PDE4D: variants seen among roughly 807,000 people sequenced by gnomAD.
PDE4D encodes the protein 3',5'-cyclic-AMP phosphodiesterase 4D.
In PDE4D, 24 loss-of-function variants were observed where a neutral mutation model predicts 87.4. The ratio of observed to expected loss-of-function variants is 0.27; its 90% CI spans 0.20 to 0.39. The LOEUF (loss-of-function observed/expected upper bound fraction) is 0.39. Ranked by LOEUF, PDE4D falls within the 10% of genes least tolerant of loss-of-function variation. The probability of loss-of-function intolerance (pLI) is 1.00; values close to 1 mark genes in which losing one functional copy is unlikely to be tolerated. For synonymous variants in PDE4D, 384 were observed against 383.2 expected (o/e 1.00, Z -0.02); for missense variants, 714 against 1,041.0 (o/e 0.69, Z 4.32).
chr5:59,722,145 A>T (rs527292564), intron 1 of PDE4D, among the ~76,000 whole-genome samples: 1 of 152,320 alleles, frequency 6.6e-6, no homozygotes, highest in East Asian at 1.9e-4. Flanking sequence ...TCTTCATTCA[A>T]TCACAAGCAT....
chr5:59,409,612 C>T (rs1792309788), intron 1 of PDE4D, among the ~76,000 whole-genome samples: 1 of 152,154 alleles, frequency 6.6e-6, no homozygotes, highest in South Asian at 2.1e-4. Context: ...ATTTGAGACA[C>T]CTACTCCCCT....
chr5:60,474,732 T>C (rs1310046373), intron 1 of PDE4D, among the ~76,000 whole-genome samples: 2 of 152,180 alleles, frequency 1.3e-5, no homozygotes, highest in African/African-American at 4.8e-5. Flanking sequence ...CTCCCAGCTC[T>C]GCAAGGAAAG....
chr5:59,788,660 G>C (rs1765439461), intron 1 of PDE4D, among the ~76,000 whole-genome samples: 1 of 152,246 alleles, frequency 6.6e-6, no homozygotes, highest in Non-Finnish European at 1.5e-5. Context: ...GTGGTTCCAA[G>C]AAGGGGGATG....
At chr5:59,010,250 C>A (rs957837381) in intron 6 of PDE4D, among the ~76,000 whole-genome samples, 4 of 152,020 alleles carry the variant, frequency 2.6e-5, no homozygotes, top group Non-Finnish European at 4.4e-5. Context: ...TTGCTTGAGC[C>A]CGGGAGGCAG....
At chr5:59,302,169 C>T (rs1166904157) in intron 1 of PDE4D, among the ~76,000 whole-genome samples, 2 of 152,200 alleles carry the variant, frequency 1.3e-5, no homozygotes, top group Middle Eastern at 6.8e-3. Context: ...CAGATATTAG[C>T]AAGTTACTGC....
At chr5:59,620,578 T>C (rs952083706) in intron 1 of PDE4D, among the ~76,000 whole-genome samples, 1 of 152,014 alleles carries the variant, frequency 6.6e-6, no homozygotes, top group African/African-American at 2.4e-5. Flanking sequence ...TCAGTGGATA[T>C]AAGGAAGGGG....
chr5:59,985,162 A>C (rs868653251), intron 3 of PDE4D, among the ~76,000 whole-genome samples: 1 of 80,910 alleles, frequency 1.2e-5, no homozygotes, highest in African/African-American at 3.2e-5. Flanking sequence ...ATTTTGAGAC[A>C]GAGTCTCACT....
intron 1 of PDE4D, among the ~76,000 whole-genome samples, chr5:59,763,732 A>G (rs907619466): frequency 1.3e-5 from 2 of 152,178 alleles, no homozygotes; most frequent in African/African-American, 2.4e-5. Flanking sequence ...ACCAGATGAA[A>G]TCTGAATCAT....
chr5:59,367,683 T>C (rs1783287258), intron 1 of PDE4D, among the ~76,000 whole-genome samples: 1 of 152,240 alleles, frequency 6.6e-6, no homozygotes, highest in African/African-American at 2.4e-5. Context: ...CCTATGATGG[T>C]ATTATTTAAA....
At chr5:59,657,101 A>G (rs551724513) in intron 1 of PDE4D, among the ~76,000 whole-genome samples, 1 of 152,302 alleles carries the variant, frequency 6.6e-6, no homozygotes, top group South Asian at 2.1e-4. Context: ...AACCAAATAT[A>G]TACTTGGAAA....
chr5:59,545,485 C>A (rs967598522), intron 1 of PDE4D, among the ~76,000 whole-genome samples: 4 of 152,124 alleles, frequency 2.6e-5, no homozygotes, highest in Non-Finnish European at 1.5e-5. Context: ...ATTCATGAAT[C>A]CAAATTAGCT....
chr5:60,102,451 G>T (rs556077460), intron 2 of PDE4D, among the ~76,000 whole-genome samples: 7 of 152,144 alleles, frequency 4.6e-5, no homozygotes, highest in African/African-American at 1.7e-4. Flanking sequence ...GTAGGGGAGA[G>T]AATTCAGGTA....
At chr5:59,063,104 A>G (rs1262368360) in intron 5 of PDE4D, 1 of 152,220 alleles carries the variant, frequency 6.6e-6, no homozygotes, top group African/African-American at 2.4e-5. Context: ...AAAATGGCCC[A>G]TGGAGTACAA....
At chr5:59,044,533 A>C (rs1220705213) in intron 5 of PDE4D, among the ~76,000 whole-genome samples, 1 of 152,184 alleles carries the variant, frequency 6.6e-6, no homozygotes, top group Non-Finnish European at 1.5e-5. Context: ...TCATTCCTTT[A>C]GTTTGCTACA....
At chr5:60,314,894 C>T (rs574873869) in intron 1 of PDE4D, among the ~76,000 whole-genome samples, 8 of 152,288 alleles carry the variant, frequency 5.3e-5, no homozygotes, top group Non-Finnish European at 7.4e-5. Flanking sequence ...CATTGTTGGA[C>T]ATTTGGCTTG....
chr5:59,971,947 G>A (rs1277008608), intron 3 of PDE4D, among the ~76,000 whole-genome samples: 2 of 152,196 alleles, frequency 1.3e-5, no homozygotes, highest in African/African-American at 4.8e-5. Context: ...AAGCAGACTT[G>A]AGCAGAATCC....
At chr5:60,143,887 C>T (rs1206482744) in intron 2 of PDE4D, among the ~76,000 whole-genome samples, 1 of 151,986 alleles carries the variant, frequency 6.6e-6, no homozygotes, top group East Asian at 1.9e-4. Flanking sequence ...AGAAGGAGAG[C>T]TTGGTGGGCT....
intron 1 of PDE4D, among the ~76,000 whole-genome samples, chr5:60,447,458 A>G (rs1745733720): frequency 6.6e-6 from 1 of 152,104 alleles, no homozygotes; most frequent in Non-Finnish European, 1.5e-5. Context: ...CCCTCCTTTC[A>G]AAACTACAGA....
At chr5:59,057,526 T>C (rs1357338199) in intron 5 of PDE4D, among the ~76,000 whole-genome samples, 1 of 152,146 alleles carries the variant, frequency 6.6e-6, no homozygotes, top group African/African-American at 2.4e-5. Context: ...ACCTAGAGCA[T>C]GTTAGGATTT....
Sources: gnomAD v4.1 joint callset for allele counts (sites outside exome capture counted in the v4.1 genomes callset) on GRCh38, gnomAD v4.1.1 for gene constraint, MANE v1.5 for transcripts, NCBI Gene and HGNC (gene_info 2026-07-23, HGNC 2026-07-21) for gene names.